The following SUPT3H variants were observed in gnomAD, a reference collection of about 807,000 sequenced individuals.
The protein encoded by SUPT3H is SPT3 homolog, SAGA and STAGA complex component, also known as transcription initiation protein SPT3 homolog.
Under a neutral mutation model 44.3 loss-of-function variants are expected in SUPT3H, and 44 were observed. The ratio of observed to expected loss-of-function variants is 0.99; its 90% CI spans 0.78 to 1.28. The LOEUF (loss-of-function observed/expected upper bound fraction) is 1.28. Ranked by LOEUF, SUPT3H falls within the 50% of genes most tolerant of loss-of-function variation. The pLI is 0.00. For synonymous variants in SUPT3H, 124 were observed against 125.6 expected (o/e 0.99, Z 0.09); for missense variants, 380 against 387.1 (o/e 0.98, Z 0.15).
At chr6:45,081,331 C>T (rs1475615780) in intron 3 of SUPT3H, among the ~76,000 whole-genome samples, 1 of 152,008 alleles carries the variant, frequency 6.6e-6, no homozygotes, top group Non-Finnish European at 1.5e-5. Context: ...CCTGTTAATA[C>T]ATGGTATTCT....
chr6:45,052,193 C>T (rs547049903), intron 3 of SUPT3H, among the ~76,000 whole-genome samples: 5 of 152,048 alleles, frequency 3.3e-5, no homozygotes, highest in African/African-American at 9.6e-5. Flanking sequence ...ATAGAAGATT[C>T]GGAATATATT....
chr6:45,141,438 G>A (rs4714840), intron 2 of SUPT3H, among the ~76,000 whole-genome samples: 149,350 of 150,722 alleles, frequency 0.99, 74,017 homozygotes, highest in East Asian at 1. Flanking sequence ...ACTTAAATAA[G>A]TTTTTTTTAA....
intron 2 of SUPT3H, among the ~76,000 whole-genome samples, chr6:45,221,264 T>C (rs1466877224): frequency 6.6e-6 from 1 of 152,084 alleles, no homozygotes; most frequent in Non-Finnish European, 1.5e-5. Flanking sequence ...AGGAGAAATC[T>C]AATGTAAATG....
intron 3 of SUPT3H, among the ~76,000 whole-genome samples, chr6:45,023,618 T>C (rs555187786): frequency 6.2e-4 from 95 of 152,334 alleles, no homozygotes; most frequent in African/African-American, 2.1e-3. Flanking sequence ...ATCATGTCTT[T>C]TGTGGGAACA....
In SUPT3H at chr6:44,829,833, C is replaced by G; in HGVS notation, c.937G>C (p.Ala313Pro). The G allele has an allele frequency of 6.2e-7, 1 of 1,613,188 alleles. No homozygotes were observed. The highest frequency in any genetic ancestry group is 8.5e-7 in the Non-Finnish European group (1 of 1,179,260). The change falls in exon 11 of 11, where the codon GCT becomes CCT. Residue 313 changes from alanine to proline, a missense_variant. Coordinates refer to ENST00000371459, the MANE Select transcript of SUPT3H (RefSeq NM_003599.4). ...TTGTCACATCAGCAGGCTAGAAAAG[C>G]CATCCCATTCCTGCGGTAGGCATTC... is the stretch of plus-strand genomic sequence containing the variant. Reference protein sequence around the residue: ...FTNAYRRNGMAFLAC With the variant: ...FTNAYRRNGMPFLAC
chr6:45,256,581 C>A (rs1165562560), intron 2 of SUPT3H, among the ~76,000 whole-genome samples: 1 of 152,100 alleles, frequency 6.6e-6, no homozygotes, highest in South Asian at 2.1e-4. Flanking sequence ...CTCCACCCCC[C>A]ACCCTCCCTC....
chr6:44,900,157 G>A (rs626965), intron 10 of SUPT3H, among the ~76,000 whole-genome samples: 7,787 of 152,302 alleles, frequency 0.051, 263 homozygotes, highest in South Asian at 0.13. Context: ...TCTCACTGGG[G>A]AATGTCGTAA....
chr6:44,951,075 C>T (rs368001374), intron 9 of SUPT3H, among the ~76,000 whole-genome samples: 73 of 151,952 alleles, frequency 4.8e-4, no homozygotes, highest in African/African-American at 1.7e-3. Flanking sequence ...GAACCTTAAT[C>T]CTTGAATATT....
intron 2 of SUPT3H, among the ~76,000 whole-genome samples, chr6:45,330,160 G>A (rs997918863): frequency 5.9e-5 from 9 of 151,790 alleles, no homozygotes; most frequent in African/African-American, 2.2e-4. Context: ...CTCAATAGCT[G>A]TAAGTGGGCC....
chr6:45,267,502 A>T (rs1775443693), intron 2 of SUPT3H, among the ~76,000 whole-genome samples: 1 of 152,258 alleles, frequency 6.6e-6, no homozygotes, highest in South Asian at 2.1e-4. Flanking sequence ...TTATTGAATT[A>T]AAAAATATAT....
At chr6:45,317,708 A>G (rs775098306) in intron 2 of SUPT3H, among the ~76,000 whole-genome samples, 36 of 152,176 alleles carry the variant, frequency 2.4e-4, no homozygotes, top group Non-Finnish European at 4.3e-4. Flanking sequence ...CATTAAACAC[A>G]AACATAAGAC....
chr6:45,313,826 A>G (rs1205075785), intron 2 of SUPT3H, among the ~76,000 whole-genome samples: 1 of 152,106 alleles, frequency 6.6e-6, no homozygotes, highest in East Asian at 1.9e-4. Flanking sequence ...AAAACCAGGG[A>G]AGGACATAAC....
chr6:45,162,330 C>T (rs1299435357), intron 2 of SUPT3H, among the ~76,000 whole-genome samples: 1 of 151,920 alleles, frequency 6.6e-6, no homozygotes. Flanking sequence ...TTGAGGCAGG[C>T]CTGGGCAACA....
At chr6:45,300,514 C>A (rs1463182871) in intron 2 of SUPT3H, among the ~76,000 whole-genome samples, 1 of 152,176 alleles carries the variant, frequency 6.6e-6, no homozygotes, top group Non-Finnish European at 1.5e-5. Context: ...TGGAAAACAG[C>A]TGGCAAGTAC....
At chr6:45,322,166 T>C (rs939586757) in intron 2 of SUPT3H, among the ~76,000 whole-genome samples, 5 of 151,944 alleles carry the variant, frequency 3.3e-5, no homozygotes, top group South Asian at 2.1e-4. Context: ...ATACTTATTT[T>C]TAAACATATT....
intron 10 of SUPT3H, among the ~76,000 whole-genome samples, chr6:44,881,234 T>A (rs1043425088): frequency 6.6e-6 from 1 of 151,862 alleles, no homozygotes; most frequent in Non-Finnish European, 1.5e-5. Context: ...AAGCAGGGGT[T>A]GCAATCCTAG....
chr6:45,282,675 A>C (rs1053953306), intron 2 of SUPT3H, among the ~76,000 whole-genome samples: 3 of 152,226 alleles, frequency 2.0e-5, no homozygotes, highest in African/African-American at 7.2e-5. Context: ...GATATTATCC[A>C]GAAGAACTTC....
chr6:45,144,012 G>A (rs1285023), intron 2 of SUPT3H, among the ~76,000 whole-genome samples: 91,920 of 151,884 alleles, frequency 0.61, 28,418 homozygotes, highest in African/African-American at 0.74. Context: ...CAGAAACTCT[G>A]AACAGACAAA....
intron 6 of SUPT3H, among the ~76,000 whole-genome samples, chr6:44,985,271 T>C (rs2153492893): frequency 6.6e-6 from 1 of 151,774 alleles, no homozygotes; most frequent in African/African-American, 2.4e-5. Context: ...GTGGCACGCA[T>C]CTGTAGTCCC....
Sources: allele counts gnomAD v4.1 joint callset (sites outside exome capture counted in the v4.1 genomes callset), GRCh38; gene constraint gnomAD v4.1.1; transcripts MANE v1.5; gene names NCBI Gene and HGNC (gene_info 2026-07-23, HGNC 2026-07-21).